The following DRC11 variants were observed in gnomAD, a reference collection of about 807,000 sequenced individuals.
The protein encoded by DRC11 is dynein regulatory complex subunit 11, also known as IQ and AAA domain-containing protein 1.
the DRC11 span, among the ~76,000 whole-genome samples, chr2:236,484,189 G>A: frequency 3.0e-4 from 45 of 152,202 alleles, 1 homozygote; most frequent in African/African-American, 9.1e-4. Flanking sequence ...AAAGAATCCC[G>A]ATTTTTGTCC....
At chr2:236,502,328 C>T in the DRC11 span, among the ~76,000 whole-genome samples, 1 of 151,868 alleles carries the variant, frequency 6.6e-6, no homozygotes, top group Admixed American at 6.6e-5. Context: ...CCTGTAATCC[C>T]AGCACTGGGT....
At chr2:236,459,230 GATT>G in the DRC11 span, among the ~76,000 whole-genome samples, 1 of 152,008 alleles carries the variant, frequency 6.6e-6, no homozygotes, top group Non-Finnish European at 1.5e-5. Flanking sequence ...GAAACCAAAA[GATT>G]ATTTAACCTC....
At chr2:236,479,914 G>A in the DRC11 span, among the ~76,000 whole-genome samples, 1 of 151,988 alleles carries the variant, frequency 6.6e-6, no homozygotes, top group African/African-American at 2.4e-5. This position sits in a 1 kb window ranked among gnomAD's most constrained non-coding sequence, Gnocchi z 4.1. Context: ...TTGTTAGATG[G>A]GTCTGGCAGT....
At chr2:236,424,438 G>A in the DRC11 span, among the ~76,000 whole-genome samples, 6 of 152,158 alleles carry the variant, frequency 3.9e-5, no homozygotes, top group Admixed American at 3.9e-4. Flanking sequence ...TTATGAAAGA[G>A]TAATTATACA....
chr2:236,469,804 T>C, the DRC11 span, among the ~76,000 whole-genome samples: 1 of 152,228 alleles, frequency 6.6e-6, no homozygotes, highest in Admixed American at 6.5e-5. The surrounding 1 kb of genome is among the most constrained non-coding windows in gnomAD (Gnocchi z 5.8). Context: ...GTTAACTCAC[T>C]GCATAAACAG....
chr2:236,450,440 C>T, the DRC11 span, among the ~76,000 whole-genome samples: 3 of 151,034 alleles, frequency 2.0e-5, no homozygotes, highest in African/African-American at 7.3e-5. Context: ...GTGGGTCAGC[C>T]TCCCGAGTAC....
the DRC11 span, among the ~76,000 whole-genome samples, chr2:236,483,074 C>T: frequency 6.6e-6 from 1 of 152,188 alleles, no homozygotes; most frequent in Admixed American, 6.5e-5. This position sits in a 1 kb window ranked among gnomAD's most constrained non-coding sequence, Gnocchi z 4.8. Flanking sequence ...ACAACCACCA[C>T]CTACTTTCTG....
the DRC11 span, among the ~76,000 whole-genome samples, chr2:236,476,976 G>C: frequency 6.6e-6 from 1 of 152,070 alleles, no homozygotes; most frequent in Non-Finnish European, 1.5e-5. This position sits in a 1 kb window ranked among gnomAD's most constrained non-coding sequence, Gnocchi z 4.7. Context: ...TGTTGTGAAT[G>C]ATCTTTTTAA....
chr2:236,357,381 G>A, the DRC11 span, among the ~76,000 whole-genome samples: 1 of 96,554 alleles, frequency 1.0e-5, no homozygotes, highest in Non-Finnish European at 1.9e-5. Flanking sequence ...TATTTATATA[G>A]TATAGATATT....
chr2:236,346,687 A>C, the DRC11 span: 4 of 169,174 alleles, frequency 2.4e-5, no homozygotes, highest in Admixed American at 1.3e-4. Flanking sequence ...TACACACACC[A>C]AGAATGTCAG....
the DRC11 span, among the ~76,000 whole-genome samples, chr2:236,501,956 A>G: frequency 6.6e-6 from 1 of 152,116 alleles, no homozygotes; most frequent in Non-Finnish European, 1.5e-5. Context: ...GGAAAGCATA[A>G]CTCCAGACAG....
chr2:236,488,730 G>A, the DRC11 span, among the ~76,000 whole-genome samples: 1 of 152,152 alleles, frequency 6.6e-6, no homozygotes, highest in Non-Finnish European at 1.5e-5. Flanking sequence ...CTATAAACTT[G>A]CATCTTAAAA....
At chr2:236,482,642 A>C in the DRC11 span, among the ~76,000 whole-genome samples, 1 of 152,196 alleles carries the variant, frequency 6.6e-6, no homozygotes, top group Admixed American at 6.5e-5. This position sits in a 1 kb window ranked among gnomAD's most constrained non-coding sequence, Gnocchi z 4.5. Flanking sequence ...AGCATATCTG[A>C]AATTAGGGAT....
chr2:236,355,749 C>CTCTCTGTG, the DRC11 span, among the ~76,000 whole-genome samples: 229 of 107,958 alleles, frequency 2.1e-3, 2 homozygotes, highest in African/African-American at 5.8e-3. Flanking sequence ...CTCTCTCTCT[C>CTCTCTGTG]TGTGTGTGTG....
chr2:236,424,590 A>G, the DRC11 span, among the ~76,000 whole-genome samples: 4 of 152,212 alleles, frequency 2.6e-5, no homozygotes, highest in East Asian at 1.9e-4. Flanking sequence ...ACATGTACAC[A>G]TTGTGGAATG....
At chr2:236,369,774 G>C in the DRC11 span, among the ~76,000 whole-genome samples, 1 of 152,220 alleles carries the variant, frequency 6.6e-6, no homozygotes, top group Non-Finnish European at 1.5e-5. The surrounding 1 kb of genome is among the most constrained non-coding windows in gnomAD (Gnocchi z 4.5). Context: ...GCCCCACACA[G>C]AAGCCATGCC....
At chr2:236,505,223 C>T in the DRC11 span, among the ~76,000 whole-genome samples, 1 of 152,182 alleles carries the variant, frequency 6.6e-6, no homozygotes, top group African/African-American at 2.4e-5. Flanking sequence ...ATTTCTACAG[C>T]TTGGCAGTTT....
At chr2:236,343,557 A>C in the DRC11 span, 6 of 421,974 alleles carry the variant, frequency 1.4e-5, no homozygotes, top group Non-Finnish European at 2.8e-5. The surrounding 1 kb of genome is among the most constrained non-coding windows in gnomAD (Gnocchi z 6.6). Flanking sequence ...GTCTGGTGGG[A>C]GAGGGAGTAG....
At chr2:236,503,248 C>G in the DRC11 span, among the ~76,000 whole-genome samples, 6 of 152,298 alleles carry the variant, frequency 3.9e-5, no homozygotes, top group African/African-American at 1.4e-4. The surrounding 1 kb of genome is among the most constrained non-coding windows in gnomAD (Gnocchi z 4.9). Flanking sequence ...AGCAAGAGAT[C>G]TCGGGTTGAA....
Sources: allele counts gnomAD v4.1 joint callset (sites outside exome capture counted in the v4.1 genomes callset), GRCh38; gene constraint gnomAD v4.1.1; non-coding constraint Gnocchi (gnomAD v3.1); transcripts MANE v1.5; gene names NCBI Gene and HGNC (gene_info 2026-07-23, HGNC 2026-07-21).